The following SH3TC1 variants were observed in gnomAD, a reference collection of about 807,000 sequenced individuals.
SH3TC1 encodes the protein SH3 domain and tetratricopeptide repeats 1.
A neutral mutation model predicts 117.3 loss-of-function variants in SH3TC1; 135 were observed. The observed-to-expected ratio is 1.15, with a 90% CI of 1.00 to 1.33. The LOEUF (loss-of-function observed/expected upper bound fraction) is 1.33, where lower values mean the gene tolerates loss of function less well. SH3TC1 is among the 40% of genes most tolerant of loss of function. The pLI is 0.00. For synonymous variants in SH3TC1, 898 were observed against 816.9 expected (o/e 1.10, Z -1.69); for missense variants, 2,092 against 1,794.3 (o/e 1.17, Z -3.00).
intron 15 of SH3TC1, 124 bp downstream of exon 15, chr4:8,235,679 T>G (rs1721747350): frequency 7.6e-7 from 1 of 1,316,644 alleles, no homozygotes; most frequent in African/African-American, 1.5e-5. Context: ...CATGCTTAGT[T>G]TCCTAGTGGT....
chr4:8,225,073 C>A lies in SH3TC1; in HGVS notation c.1244-102C>A. 7.1e-7 allele frequency: 1 copy of A among 1,399,542 alleles called. No individual in the cohort carries two copies. Among genetic ancestry groups the A allele is most frequent in the Non-Finnish European group, 1.0e-6 (1 of 1,003,814 alleles). 86.7% of individuals were successfully genotyped at this position (1,399,542 alleles called of 1,614,324 possible). ...CATCTCAGCCCTCAATACCTGCACC[C>A]AGCAATGCTCTCACCCTGCAACATC... On this transcript the variant is annotated intron_variant, in intron 10 of 17. Coordinates refer to ENST00000245105, the MANE Select transcript of SH3TC1 (RefSeq NM_018986.5). The surrounding 1 kb of genome is among the most constrained non-coding windows in gnomAD (Gnocchi z 5.5).
At chr4:8,208,023 A>G (rs1718347242) in intron 2 of SH3TC1, among the ~76,000 whole-genome samples, 1 of 152,176 alleles carries the variant, frequency 6.6e-6, no homozygotes, top group Admixed American at 6.5e-5. Context: ...GGCGGGCTGG[A>G]CAGGACCCCT....
chr4:8,237,729 C>T (rs1721955155), intron 17 of SH3TC1, 59 bp downstream of exon 17: 7 of 1,505,206 alleles, frequency 4.7e-6, no homozygotes, highest in Admixed American at 3.8e-5. Context: ...GGGATCTCCA[C>T]CCAGACCCCT....
chr4:8,238,316 G>A (rs1386137890), intron 17 of SH3TC1, among the ~76,000 whole-genome samples: 4 of 152,212 alleles, frequency 2.6e-5, no homozygotes, highest in Admixed American at 1.3e-4. Context: ...GGTCGGGTCT[G>A]TCTGGAGAGG....
At chr4:8,226,062 T>A (rs898767015) in intron 11 of SH3TC1, among the ~76,000 whole-genome samples, 2 of 152,228 alleles carry the variant, frequency 1.3e-5, no homozygotes, top group African/African-American at 4.8e-5. Context: ...AATTTTTTTT[T>A]AATTCCAAGG....
chr4:8,237,645 GTGACATCATCT>G lies in SH3TC1; in HGVS notation c.3730_3740del (p.Asp1244LeufsTer8). 6.2e-7 allele frequency: 1 copy of G among 1,609,008 alleles called. No homozygotes were observed. Among genetic ancestry groups the G allele is most frequent in the South Asian group, 1.1e-5 (1 of 90,268 alleles). ...TACGTGAAGGTGTACCTGGTGCTCG[GTGACATCATCT>G]TCTACGACCTGAAGGTGGGTGGGGA... On this transcript the variant is annotated frameshift_variant, in exon 17 of 18. Transcript: ENST00000245105. LOFTEE classifies it low-confidence loss of function (END_TRUNC).
Position 8,228,620 on chromosome 4 carries a change from G to C in SH3TC1, c.2926G>C (p.Ala976Pro). 6.6e-7 allele frequency: 1 copy of C among 1,520,010 alleles called. No individual in the cohort carries two copies. 94.2% of individuals were successfully genotyped at this position (1,520,010 alleles called of 1,614,324 possible). ...CTACTACGAGTGGGCCCTTCTGGTC[G>C]CCGTGGAGATGGGCCACGTGGAGAG... Reference protein sequence around the residue: ...KGYYEWALLVAVEMGHVESQL... With the variant: ...KGYYEWALLVPVEMGHVESQL... Residue 976 changes from alanine to proline, a missense_variant, in exon 12 of 18, where the codon GCC (alanine) becomes CCC (proline). Transcript: ENST00000245105.
chr4:8,211,492 G>A (rs1229499187), intron 3 of SH3TC1, among the ~76,000 whole-genome samples: 2 of 32,846 alleles, frequency 6.1e-5, no homozygotes, highest in Admixed American at 4.9e-4. Context: ...CCCCCTCCCG[G>A]TGTCTCCCCT....
intron 7 of SH3TC1, among the ~76,000 whole-genome samples, 189 bp downstream of exon 7, chr4:8,217,356 C>T (rs1227080396): frequency 1.3e-5 from 2 of 152,252 alleles, no homozygotes; most frequent in African/African-American, 4.8e-5. Flanking sequence ...GGCCTCTGGC[C>T]TGCCAGCTGC....
chr4:8,217,312 C>G lies in SH3TC1; in HGVS notation c.839+145C>G, dbSNP rs904757031. On this transcript the variant is annotated intron_variant, in intron 7 of 17. Coordinates refer to ENST00000245105, the MANE Select transcript of SH3TC1 (RefSeq NM_018986.5). ...ATGGCCTTGTTCTGCTGCTTCCCAG[C>G]TGTGTGGCCTCGGCAATTTGGCCCA... is the stretch of plus-strand genomic sequence containing the variant. 6.5e-5 allele frequency: 68 copies of G among 1,050,890 alleles called. No individual in the cohort carries two copies. Among genetic ancestry groups the G allele is most frequent in the Non-Finnish European group, 8.3e-5 (59 of 707,324 alleles). The allele number at this position is 1,050,890 out of a possible 1,614,324, so 65.1% of individuals were successfully genotyped here.
chr4:8,216,392 G>A, intron 6 of SH3TC1, 135 bp downstream of exon 6: 1 of 1,341,308 alleles, frequency 7.5e-7, no homozygotes, highest in Non-Finnish European at 1.0e-6. Context: ...GCTGAGGGGT[G>A]CTTCAGGCAG....
At chr4:8,234,214 A>G (rs1721581903) in intron 14 of SH3TC1, among the ~76,000 whole-genome samples, 1 of 146,176 alleles carries the variant, frequency 6.8e-6, no homozygotes, top group Non-Finnish European at 1.5e-5. Flanking sequence ...ACCATCCACC[A>G]TCCTTCCATC....
At chr4:8,204,354 A>G (rs1328194837) in intron 1 of SH3TC1, among the ~76,000 whole-genome samples, 3 of 152,172 alleles carry the variant, frequency 2.0e-5, no homozygotes, top group Admixed American at 1.3e-4. Flanking sequence ...CAGAGCCTGT[A>G]TTAGACAGCA....
intron 17 of SH3TC1, 150 bp downstream of exon 17, chr4:8,237,820 G>T (rs561491799): frequency 5.7e-6 from 5 of 870,408 alleles, no homozygotes; most frequent in Non-Finnish European, 8.3e-6. Context: ...AGCTGGCAAG[G>T]TTAGCAGACA....
At chr4:8,200,930 G>A (rs2152976683) in intron 1 of SH3TC1, among the ~76,000 whole-genome samples, 1 of 152,246 alleles carries the variant, frequency 6.6e-6, no homozygotes, top group East Asian at 1.9e-4. Context: ...CTGGATTTAG[G>A]GCCATCCTCA....
chr4:8,197,911 C>T (rs1223203536), upstream of SH3TC1, among the ~76,000 whole-genome samples: 5 of 152,140 alleles, frequency 3.3e-5, no homozygotes, highest in South Asian at 4.1e-4. Context: ...GGATGAAGGA[C>T]GCAGGTGTGG....
chr4:8,205,284 C>T lies in SH3TC1; in HGVS notation c.90C>T (p.Asp30=), dbSNP rs774026789. ...CCTCAGGAGGTGGCAGCACCCGGGA[C>T]CAGGTCCGGACTGTGGTCATGAGGC... ...VGPSGGGSTR[D]QVRTVVMRPS... Residue 30 remains aspartate, a synonymous_variant, in exon 2 of 18, where the codon GAC becomes GAT. Coordinates refer to ENST00000245105, the MANE Select transcript of SH3TC1 (RefSeq NM_018986.5). This position sits in a 1 kb window ranked among gnomAD's most constrained non-coding sequence, Gnocchi z 5.4. 6.4e-7 allele frequency: 1 copy of T among 1,550,524 alleles called. No individual in the cohort carries two copies. The highest frequency in any genetic ancestry group is 8.7e-7 in the Non-Finnish European group (1 of 1,147,034).
Position 8,232,006 on chromosome 4 carries a change from A to G in SH3TC1, c.2981A>G (p.His994Arg). 1 of 1,612,574 alleles carries G rather than the reference A, an allele frequency of 6.2e-7. No homozygotes were observed. Among genetic ancestry groups the G allele is most frequent in the Non-Finnish European group, 8.5e-7 (1 of 1,180,004 alleles). Residue 994 changes from histidine to arginine, a missense_variant, in exon 13 of 18, where the codon CAC becomes CGC. By Grantham distance (29) the His-to-Arg change is conservative. Transcript: ENST00000245105. ...SQLRAVQRLC[H>R]FYSAVMPSEA... ...CTGCGGGCCGTCCAGCGGCTGTGCC[A>G]CTTCTACAGCGCCGTCATGCCCAGC...
In SH3TC1 at chr4:8,239,263, A is replaced by ACATGCACACACGGACACG. The variant is rs1560120515; in HGVS notation, c.3754-1433_3754-1432insTGCACACACGGACACGCA. Among the ~76,000 whole-genome samples the ACATGCACACACGGACACG allele has an allele frequency of 4.2e-3, 629 of 151,546 alleles. 8 individuals are homozygous for ACATGCACACACGGACACG. The highest frequency in any genetic ancestry group is 0.015 in the African/African-American group (597 of 41,130). ...CACGCACAGGGACACACACACACAC[A>ACATGCACACACGGACACG]CAGAGACACATGCACACACATGGAC... On this transcript the variant is annotated intron_variant, in intron 17 of 17. Coordinates refer to ENST00000245105, the MANE Select transcript of SH3TC1 (RefSeq NM_018986.5).
Sources: allele counts gnomAD v4.1 joint callset (sites outside exome capture counted in the v4.1 genomes callset), GRCh38; gene constraint gnomAD v4.1.1; non-coding constraint Gnocchi (gnomAD v3.1); transcripts MANE v1.5; gene names NCBI Gene and HGNC (gene_info 2026-07-23, HGNC 2026-07-21).